Variants in BPIFB6 observed in about 807,000 individuals in gnomAD.
BPIFB6 encodes the protein BPI fold containing family B member 6, also known as BPI fold-containing family B member 6.
BPIFB6 carries 47 observed loss-of-function variants against 54.7 expected under a neutral mutation model. That is an observed-to-expected ratio of 0.86 (90% CI 0.68 to 1.10). The LOEUF is 1.10. BPIFB6 is among the 50% of genes least tolerant of loss of function. The probability of loss-of-function intolerance (pLI) is 0.00; values close to 1 mark genes in which losing one functional copy is unlikely to be tolerated. For missense variants in BPIFB6, 603 were observed against 564.1 expected, an observed-to-expected ratio of 1.07 and a Z score of -0.70; for synonymous variants, 255 against 225.9, an observed-to-expected ratio of 1.13 and a Z score of -1.16.
At position 33,031,661 on chromosome 20, in the gene BPIFB6, T is replaced by C. The variant is rs372765955; in HGVS notation, c.14T>C (p.Leu5Pro). MLRI[L>P]CLALCSLLTG... ...ACAGGTGGTGCCATGCTGCGGATCC[T>C]GTGCCTGGCACTCTGCAGCCTGCTG... The change falls in exon 1 of 15, where the codon CTG becomes CCG. Residue 5 changes from leucine to proline, a missense_variant. Leu to Pro is a moderately conservative substitution (Grantham distance 98, BLOSUM62 -3). Coordinates refer to ENST00000349552, the MANE Select transcript of BPIFB6 (RefSeq NM_174897.2). 5 of 1,613,738 alleles carry C rather than the reference T, an allele frequency of 3.1e-6. No individual in the cohort carries two copies. In the African/African-American group the frequency reaches 4.0e-5, roughly 13 times the overall value.
At chr20:33,037,524 C>G (rs374023346) in intron 7 of BPIFB6, 38 bp from the exon 8 acceptor site, 1 of 1,568,414 alleles carries the variant, frequency 6.4e-7, no homozygotes, top group South Asian at 1.2e-5. Flanking sequence ...ACATCCCTCT[C>G]GGCCAAGGCT....
chr20:33,040,461 C>A (rs1979535253), intron 11 of BPIFB6, 143 bp downstream of exon 11: 4 of 718,390 alleles, frequency 5.6e-6, no homozygotes, highest in Non-Finnish European at 4.9e-6. Flanking sequence ...TGCTCTAGAA[C>A]CCTCAATGGC....
chr20:33,040,063 G>A (rs1979512650), intron 10 of BPIFB6, among the ~76,000 whole-genome samples, 188 bp from the exon 11 acceptor site: 1 of 152,202 alleles, frequency 6.6e-6, no homozygotes, highest in Non-Finnish European at 1.5e-5. Flanking sequence ...GGACAAGGAG[G>A]GATGAGAAGC....
Position 33,035,594 on chromosome 20 carries a change from T to C in BPIFB6, c.517-18T>C, listed in dbSNP as rs1329374405. 1 of 1,614,092 alleles carries C rather than the reference T, an allele frequency of 6.2e-7. No homozygotes were observed. The highest frequency in any genetic ancestry group is 8.5e-7 in the Non-Finnish European group (1 of 1,179,940). ...CCATGCAGGGACCCTCTCAGCCCAG[T>C]GCCTTCTCTGCTTCCAGATGTGTCC... On this transcript the variant is annotated intron_variant, in intron 5 of 14. Coordinates refer to ENST00000349552, the MANE Select transcript of BPIFB6 (RefSeq NM_174897.2).
chr20:33,035,540 G>C, intron 5 of BPIFB6, 72 bp from the exon 6 acceptor site: 9 of 1,499,648 alleles, frequency 6.0e-6, no homozygotes, highest in Non-Finnish European at 7.4e-6. Flanking sequence ...GATGGCCCGT[G>C]GTGTACCATT....
chr20:33,043,999 C>T lies in BPIFB6; in HGVS notation c.1330-16C>T. The T allele has an allele frequency of 6.2e-7, 1 of 1,614,196 alleles. No homozygotes were observed. The highest frequency in any genetic ancestry group is 8.5e-7 in the Non-Finnish European group (1 of 1,180,024). ...GTCCCTGGTCATTGCTCTCCTACCC[C>T]TTTGCCTTTTGCCAGAATGCCCTGA... On this transcript the variant is annotated splice_polypyrimidine_tract_variant and intron_variant, in intron 14 of 14. Coordinates refer to ENST00000349552, the MANE Select transcript of BPIFB6 (RefSeq NM_174897.2).
At chr20:33,038,741 G>T (rs1979448772) in intron 8 of BPIFB6, among the ~76,000 whole-genome samples, 168 bp from the exon 9 acceptor site, 1 of 152,176 alleles carries the variant, frequency 6.6e-6, no homozygotes, top group Non-Finnish European at 1.5e-5. Context: ...AAATGTGTAA[G>T]TCATCACCTG....
Position 33,037,619 on chromosome 20 carries a change from C to G in BPIFB6, c.727C>G (p.Leu243Val). The change falls in exon 8 of 15, where the codon CTC (leucine) becomes GTC (valine). Residue 243 changes from leucine (L) to valine (V), a missense_variant. Transcript: ENST00000349552. ...CAAGCTTGCTGATGCCGGGGAGGCC[C>G]TCACGTTCCCTGAGGGTTATGCCAA... ...TIKLADAGEA[L>V]TFPEGYAKGS... 5 of 1,614,080 alleles carry G rather than the reference C, an allele frequency of 3.1e-6. No homozygotes were observed. Among genetic ancestry groups the G allele is most frequent in the East Asian group, 2.2e-5 (1 of 44,866 alleles).
intron 2 of BPIFB6, 42 bp from the exon 3 acceptor site, chr20:33,034,144 C>T (rs1568985038): frequency 2.0e-6 from 3 of 1,466,174 alleles, no homozygotes; most frequent in South Asian, 2.3e-5. Context: ...CTGGGTCTTG[C>T]CTGCTCAGAT....
chr20:33,044,017 T>C lies in BPIFB6; in HGVS notation c.1332T>C (p.Asn444=). Residue 444 remains asparagine (N), a splice_region_variant and synonymous_variant, in exon 15 of 15, where the codon AAT becomes AAC. Coordinates refer to ENST00000349552, the MANE Select transcript of BPIFB6 (RefSeq NM_174897.2). ...CCTACCCCTTTGCCTTTTGCCAGAA[T>C]GCCCTGATGCTGGACTTGAAGCTGG... ...YNLAELDIVE[N]ALMLDLKLG The C allele has an allele frequency of 6.2e-7, 1 of 1,614,230 alleles. No individual in the cohort carries two copies.
intron 6 of BPIFB6, among the ~76,000 whole-genome samples, chr20:33,035,875 C>T (rs1038452027): frequency 2.0e-5 from 3 of 152,160 alleles, no homozygotes; most frequent in African/African-American, 7.2e-5. Context: ...TCTCTCATCT[C>T]CCTATTCAAT....
intron 1 of BPIFB6, 62 bp from the exon 2 acceptor site, chr20:33,032,922 G>A: frequency 7.4e-7 from 1 of 1,352,270 alleles, no homozygotes. Flanking sequence ...ACGGTGAGTG[G>A]CCTGGGATAC....
chr20:33,034,192 G>A lies in BPIFB6; in HGVS notation c.204G>A (p.Lys68=), dbSNP rs766725988. The part of the protein sequence containing the change: ...MKPIKGITNL[K]VKDVQLPVIT... ...GCTGCCTGTCCCTTCCCAGTTTGAAGGTGAAGGATGTCCAGCTGCCCGTCA... is the reference window on the plus strand; with the variant it reads ...GCTGCCTGTCCCTTCCCAGTTTGAAAGTGAAGGATGTCCAGCTGCCCGTCA... Residue 68 remains lysine, a synonymous_variant, in exon 3 of 15, where the codon AAG becomes AAA. Transcript: ENST00000349552. The A allele has an allele frequency of 8.7e-6, 14 of 1,612,676 alleles. No individual in the cohort carries two copies. The highest frequency in any genetic ancestry group is 8.3e-5 in the Admixed American group (5 of 60,008).
At chr20:33,042,050 G>A (rs1262757914) in intron 12 of BPIFB6, 35 bp downstream of exon 12, 4 of 1,600,902 alleles carry the variant, frequency 2.5e-6, no homozygotes, top group African/African-American at 2.7e-5. Flanking sequence ...TGTCCGGCGT[G>A]AGGACAAGAC....
chr20:33,033,813 G>A (rs960425295), intron 2 of BPIFB6, among the ~76,000 whole-genome samples: 1 of 152,168 alleles, frequency 6.6e-6, no homozygotes, highest in South Asian at 2.1e-4. Context: ...GCACAAATCA[G>A]CCTCATGACA....
rs1465839166 is a variant in BPIFB6, at chr20:33,037,691, C to T, written c.799C>T (p.Leu267Phe). Reference sequence around the variant, plus strand: ...CCCAGCCACCTTCCTCTCTGCAGAGCTTGCCCTTCTGCAGAAGTCCTTTCA... The same window carrying T: ...CCCAGCCACCTTCCTCTCTGCAGAGTTTGCCCTTCTGCAGAAGTCCTTTCA... ...LLPATFLSAE[L>F]ALLQKSFHVN... Residue 267 changes from leucine to phenylalanine, a missense_variant, in exon 8 of 15, where the codon CTT becomes TTT. Transcript: ENST00000349552. 1.2e-6 allele frequency: 2 copies of T among 1,614,096 alleles called. No homozygotes were observed. Among genetic ancestry groups the T allele is most frequent in the African/African-American group, 1.3e-5 (1 of 74,924 alleles).
At chr20:33,032,223 G>A (rs1979132790) in intron 1 of BPIFB6, among the ~76,000 whole-genome samples, 1 of 152,178 alleles carries the variant, frequency 6.6e-6, no homozygotes, top group Non-Finnish European at 1.5e-5. Flanking sequence ...AGTAAAATGT[G>A]TTTTCCACCT....
intron 14 of BPIFB6, 97 bp from the exon 15 acceptor site, chr20:33,043,918 C>A (rs764710145): frequency 2.7e-5 from 39 of 1,467,800 alleles, no homozygotes; most frequent in Non-Finnish European, 3.4e-5. Context: ...AACCACCACA[C>A]TGGTTTCCAT....
chr20:33,036,441 A>G lies in BPIFB6; in HGVS notation c.578-4A>G, dbSNP rs1161128630. On this transcript the variant is annotated splice_polypyrimidine_tract_variant and splice_region_variant and intron_variant, in intron 6 of 14. Transcript: ENST00000349552. ...TCTTTGAGTGGAACCTCCTTTTCAC[A>G]CAGACCCCATGCCTGTGGGCCAGAT... is the stretch of plus-strand genomic sequence containing the variant. The G allele has an allele frequency of 1.2e-6, 2 of 1,610,052 alleles. No individual in the cohort carries two copies. The highest frequency in any genetic ancestry group is 2.2e-5 in the South Asian group (2 of 90,298).
Sources: allele counts gnomAD v4.1 joint callset (sites outside exome capture counted in the v4.1 genomes callset), GRCh38; gene constraint gnomAD v4.1.1; transcripts MANE v1.5; gene names NCBI Gene and HGNC (gene_info 2026-07-23, HGNC 2026-07-21).